The following TULP4 variants were observed in gnomAD, a reference collection of about 807,000 sequenced individuals.
TULP4 encodes the protein tubby-related protein 4.
Under a neutral mutation model 129.0 loss-of-function variants are expected in TULP4, and 16 were observed. That is an observed-to-expected ratio of 0.12 (90% confidence interval 0.08 to 0.19). The LOEUF is 0.19. Ranked by LOEUF, TULP4 falls within the 10% of genes least tolerant of loss-of-function variation. TULP4 has a pLI of 1.00. For synonymous variants in TULP4, 998 were observed against 854.0 expected (o/e 1.17, Z -2.94); for missense variants, 1,842 against 2,059.1 (o/e 0.89, Z 2.04).
chr6:158,462,647 A>G (rs955415943), intron 6 of TULP4, among the ~76,000 whole-genome samples: 1 of 151,784 alleles, frequency 6.6e-6, no homozygotes, highest in African/African-American at 2.4e-5. Context: ...TGCTGGGATT[A>G]CAGGCATGAG....
intron 1 of TULP4, among the ~76,000 whole-genome samples, chr6:158,356,243 A>AT (rs1314482562): frequency 2.0e-5 from 3 of 152,186 alleles, no homozygotes; most frequent in Admixed American, 6.5e-5. Context: ...CATATTGAGG[A>AT]TAAAAAAAGG....
intron 1 of TULP4, among the ~76,000 whole-genome samples, chr6:158,404,877 A>G (rs934848261): frequency 3.9e-5 from 6 of 152,092 alleles, no homozygotes; most frequent in Non-Finnish European, 8.8e-5. Context: ...AGAGGAATAC[A>G]GAGGGCTCTG....
At chr6:158,425,450 T>C (rs1018684725) in intron 2 of TULP4, among the ~76,000 whole-genome samples, 11 of 141,474 alleles carry the variant, frequency 7.8e-5, no homozygotes, top group Non-Finnish European at 1.1e-4. Context: ...GAGGTGGAGG[T>C]TGTGGTGAGC....
intron 1 of TULP4, among the ~76,000 whole-genome samples, chr6:158,263,795 GC>G (rs1435909130): frequency 7.6e-4 from 115 of 151,872 alleles, no homozygotes; most frequent in African/African-American, 2.6e-3. Flanking sequence ...GGGCGCGGTG[GC>G]TCATGCCTGT....
At chr6:158,417,072 A>G (rs1010984856) in intron 2 of TULP4, among the ~76,000 whole-genome samples, 6 of 152,178 alleles carry the variant, frequency 3.9e-5, no homozygotes, top group Non-Finnish European at 7.3e-5. Context: ...CTAATGACAT[A>G]CTTGTTAGAA....
intron 1 of TULP4, among the ~76,000 whole-genome samples, chr6:158,410,566 C>A (rs1778075405): frequency 6.6e-6 from 1 of 152,214 alleles, no homozygotes; most frequent in Admixed American, 6.5e-5. Flanking sequence ...TTCTGAAGTA[C>A]ATGAGTGACT....
At position 158,385,842 on chromosome 6, in the gene TULP4, CTTT is replaced by C. The variant is rs778595442; in HGVS notation, c.253-27205_253-27203del. Among the ~76,000 whole-genome samples the C allele has an allele frequency of 1.6e-3, 97 of 59,590 alleles. 5 individuals are homozygous for C. The highest frequency in any genetic ancestry group is 5.4e-3 in the African/African-American group (75 of 13,888). The allele number at this position is 59,590 out of a possible 152,430, so 39.1% of individuals were successfully genotyped here. On this transcript the variant is annotated intron_variant, in intron 1 of 13. Transcript: ENST00000367097. ...GGAAAAGTCTACAAATGTGGAATAT[CTTT>C]TTTTTTTTTTTTTTTTTGAGAAAAA...
At chr6:158,288,324 A>T (rs942099785) in intron 1 of TULP4, among the ~76,000 whole-genome samples, 1 of 152,064 alleles carries the variant, frequency 6.6e-6, no homozygotes, top group East Asian at 1.9e-4. Context: ...GACCTCCAGT[A>T]CTGTGTGGTA....
intron 1 of TULP4, among the ~76,000 whole-genome samples, chr6:158,335,822 C>T (rs114109474): frequency 1.3e-5 from 2 of 152,226 alleles, no homozygotes; most frequent in African/African-American, 2.4e-5. Flanking sequence ...TACTGTATAT[C>T]GTAGTACTAT....
intron 1 of TULP4, among the ~76,000 whole-genome samples, chr6:158,302,458 T>A (rs1287298068): frequency 6.6e-6 from 1 of 152,186 alleles, no homozygotes; most frequent in Non-Finnish European, 1.5e-5. Context: ...GTTACCATCC[T>A]CCACTTGCCT....
chr6:158,343,675 G>C (rs1780238099), intron 1 of TULP4, among the ~76,000 whole-genome samples: 1 of 152,096 alleles, frequency 6.6e-6, no homozygotes, highest in Admixed American at 6.5e-5. Flanking sequence ...CAGGACTGTG[G>C]GAAATAAATT....
intron 1 of TULP4, among the ~76,000 whole-genome samples, chr6:158,258,088 G>A (rs533948717): frequency 6.6e-6 from 1 of 152,148 alleles, no homozygotes; most frequent in Non-Finnish European, 1.5e-5. Context: ...GGAAAGGACT[G>A]TAGAACCCTC....
At chr6:158,352,277 T>C (rs1368431622) in intron 1 of TULP4, among the ~76,000 whole-genome samples, 3 of 152,242 alleles carry the variant, frequency 2.0e-5, no homozygotes, top group African/African-American at 4.8e-5. Flanking sequence ...CTAGATCTTA[T>C]GAAGTCTTAA....
intron 3 of TULP4, among the ~76,000 whole-genome samples, chr6:158,441,778 C>T (rs546376087): frequency 1.3e-5 from 2 of 152,310 alleles, no homozygotes; most frequent in East Asian, 3.9e-4. Flanking sequence ...CCTTCCCACA[C>T]ACACACCCTG....
intron 5 of TULP4, among the ~76,000 whole-genome samples, chr6:158,460,294 G>A (rs771908395): frequency 3.3e-5 from 5 of 152,110 alleles, no homozygotes; most frequent in African/African-American, 7.2e-5. Context: ...GATAGAGCCC[G>A]GGGACCACTG....
upstream of TULP4, among the ~76,000 whole-genome samples, chr6:158,308,612 C>T (rs372585777): frequency 2.3e-4 from 34 of 148,456 alleles, no homozygotes; most frequent in South Asian, 2.1e-4. Flanking sequence ...CCGGACGGGG[C>T]GGCTGGTCGG....
chr6:158,415,210 T>G (rs1778179640), intron 2 of TULP4, among the ~76,000 whole-genome samples: 1 of 152,182 alleles, frequency 6.6e-6, no homozygotes. Flanking sequence ...GTGTTACTGG[T>G]GTGAACAAAC....
chr6:158,504,200 C>T (rs779953094), intron 13 of TULP4, 22 bp downstream of exon 13: 40 of 1,513,944 alleles, frequency 2.6e-5, no homozygotes, highest in Non-Finnish European at 3.4e-5. Context: ...GACCAGGTGG[C>T]GCTGCGAGCC....
intron 1 of TULP4, among the ~76,000 whole-genome samples, chr6:158,232,864 A>C (rs1461749231): frequency 6.6e-6 from 1 of 152,094 alleles, no homozygotes; most frequent in Non-Finnish European, 1.5e-5. Flanking sequence ...GTGACTGCAG[A>C]GCGGGCCGGG....
Sources: allele counts gnomAD v4.1 joint callset (sites outside exome capture counted in the v4.1 genomes callset), GRCh38; gene constraint gnomAD v4.1.1; transcripts MANE v1.5; gene names NCBI Gene and HGNC (gene_info 2026-07-23, HGNC 2026-07-21).